Variants in LRRC37A2 observed in about 807,000 individuals in gnomAD.
LRRC37A2 encodes leucine rich repeat containing 37 member A2.
LRRC37A2 carries 9 observed loss-of-function variants against 68.8 expected under a neutral mutation model. The observed-to-expected ratio is 0.13, with a 90% confidence interval of 0.08 to 0.23. The LOEUF is 0.23. LRRC37A2 is among the 10% of genes least tolerant of loss of function. The pLI, the probability that LRRC37A2 is intolerant of heterozygous loss-of-function variation, is 1.00. For missense variants in LRRC37A2, 168 were observed against 950.4 expected (o/e 0.18, Z 10.82); for synonymous variants, 63 against 367.6 (o/e 0.17, Z 9.48).
the LRRC37A2 span, among the ~76,000 whole-genome samples, chr17:46,742,354 A>G: frequency 6.6e-6 from 1 of 152,200 alleles, no homozygotes; most frequent in Non-Finnish European, 1.5e-5. Context: ...GTGATCTGCT[A>G]CCCTTGAAAG....
the LRRC37A2 span, among the ~76,000 whole-genome samples, chr17:46,634,889 AAC>A: frequency 2.3e-5 from 1 of 43,106 alleles, no homozygotes; most frequent in African/African-American, 1.4e-4. Flanking sequence ...AATCTGTTGA[AAC>A]ACACATACTC....
the LRRC37A2 span, chr17:46,721,825 T>C: frequency 1.9e-6 from 3 of 1,597,642 alleles, no homozygotes; most frequent in African/African-American, 1.3e-5. Flanking sequence ...TGGGACACTT[T>C]TGCTTATTTT....
the LRRC37A2 span, among the ~76,000 whole-genome samples, chr17:46,797,702 C>T: frequency 2.1e-3 from 324 of 152,194 alleles, 4 homozygotes; most frequent in East Asian, 0.028. Context: ...CATCCATGGC[C>T]AGGAGACAAA....
the LRRC37A2 span, chr17:47,024,731 C>T: frequency 3.5e-6 from 3 of 852,946 alleles, no homozygotes; most frequent in Non-Finnish European, 6.2e-6. Flanking sequence ...CATTTGAAGG[C>T]CTGCTATCCC....
chr17:46,794,487 T>G, the LRRC37A2 span, among the ~76,000 whole-genome samples: 28 of 152,318 alleles, frequency 1.8e-4, no homozygotes, highest in Admixed American at 1.8e-3. Context: ...GCCATCTCAC[T>G]GGGCTGAGGA....
chr17:46,905,575 G>C, the LRRC37A2 span, among the ~76,000 whole-genome samples: 4 of 152,298 alleles, frequency 2.6e-5, no homozygotes, highest in Admixed American at 2.6e-4. Flanking sequence ...TGGCACCTGT[G>C]GCTATGAAAC....
the LRRC37A2 span, among the ~76,000 whole-genome samples, chr17:46,771,268 G>C: frequency 6.6e-6 from 1 of 152,150 alleles, no homozygotes; most frequent in Non-Finnish European, 1.5e-5. Flanking sequence ...GGCGGCAAGG[G>C]GGCCCGACGT....
chr17:46,739,743 T>C, the LRRC37A2 span, among the ~76,000 whole-genome samples: 1 of 150,140 alleles, frequency 6.7e-6, no homozygotes, highest in Non-Finnish European at 1.5e-5. Context: ...TTTTTTTTTT[T>C]CCAGGAGTGC....
chr17:46,951,236 G>A, the LRRC37A2 span, among the ~76,000 whole-genome samples: 1 of 152,214 alleles, frequency 6.6e-6, no homozygotes, highest in Non-Finnish European at 1.5e-5. Context: ...GGCTGGAACG[G>A]CGGGTTCCAG....
chr17:46,722,047 G>A, the LRRC37A2 span: 6 of 1,609,776 alleles, frequency 3.7e-6, no homozygotes, highest in East Asian at 1.3e-4. Flanking sequence ...TCAGCTCCCT[G>A]AGCTGAGCCT....
chr17:46,839,968 CTT>C, the LRRC37A2 span, among the ~76,000 whole-genome samples: 1 of 136,872 alleles, frequency 7.3e-6, no homozygotes, highest in Non-Finnish European at 1.6e-5. Context: ...TTCTTTCTTT[CTT>C]TCTTTCTCTT....
the LRRC37A2 span, among the ~76,000 whole-genome samples, chr17:46,859,797 A>G: frequency 6.6e-6 from 1 of 152,146 alleles, no homozygotes; most frequent in Non-Finnish European, 1.5e-5. Flanking sequence ...TTGACGTTCT[A>G]ACAATATTGA....
At chr17:46,497,255 A>G in the LRRC37A2 span, among the ~76,000 whole-genome samples, 2 of 141,640 alleles carry the variant, frequency 1.4e-5, no homozygotes, top group Non-Finnish European at 3.0e-5. Context: ...GTAATCTGAC[A>G]GCGTCTTTTA....
chr17:47,027,466 T>A, the LRRC37A2 span: 1 of 676,246 alleles, frequency 1.5e-6, no homozygotes, highest in Non-Finnish European at 2.7e-6. Flanking sequence ...AAAAAATGTG[T>A]ATCCAATATT....
chr17:46,858,083 C>T, the LRRC37A2 span, among the ~76,000 whole-genome samples: 1 of 152,080 alleles, frequency 6.6e-6, no homozygotes, highest in Middle Eastern at 3.2e-3. Flanking sequence ...GCATGCGCCA[C>T]CATGCTCGGC....
the LRRC37A2 span, chr17:46,721,526 A>G: frequency 3.4e-5 from 37 of 1,081,886 alleles, no homozygotes; most frequent in South Asian, 3.9e-4. Context: ...TGGGCTGACT[A>G]TACATTCTTT....
chr17:46,713,732 G>C, the LRRC37A2 span: 5 of 816,174 alleles, frequency 6.1e-6, no homozygotes, highest in Non-Finnish European at 9.6e-6. Flanking sequence ...AATTGTGTCA[G>C]GAAATGTTAA....
chr17:46,492,998 G>GTT, the LRRC37A2 span, among the ~76,000 whole-genome samples: 53 of 130,088 alleles, frequency 4.1e-4, no homozygotes, highest in East Asian at 3.2e-3. Context: ...CTGGCCTCAA[G>GTT]TTTTTTTTTT....
At chr17:46,780,565 G>A in the LRRC37A2 span, among the ~76,000 whole-genome samples, 2 of 152,168 alleles carry the variant, frequency 1.3e-5, no homozygotes, top group Non-Finnish European at 2.9e-5. Context: ...GAGGCGGGAG[G>A]ATCACGAGGT....
Sources: allele counts gnomAD v4.1 joint callset (sites outside exome capture counted in the v4.1 genomes callset), GRCh38; gene constraint gnomAD v4.1.1; transcripts MANE v1.5; gene names NCBI Gene and HGNC (gene_info 2026-07-23, HGNC 2026-07-21).